The following DIP2B variants were observed in gnomAD, a reference collection of about 807,000 sequenced individuals.
DIP2B encodes the protein DIP2 acetate--CoA ligase B (putative).
Under a neutral mutation model 198.0 loss-of-function variants are expected in DIP2B, and 76 were observed. The ratio of observed to expected loss-of-function variants is 0.38; its 90% CI spans 0.32 to 0.46. The LOEUF (loss-of-function observed/expected upper bound fraction) is 0.46, where lower values mean the gene tolerates loss of function less well. DIP2B is among the 20% of genes least tolerant of loss of function. The probability of loss-of-function intolerance (pLI) is 0.99; values close to 1 mark genes in which losing one functional copy is unlikely to be tolerated. For synonymous variants in DIP2B, 701 were observed against 739.1 expected, an observed-to-expected ratio of 0.95 and a Z score of 0.84; for missense variants, 1,559 against 1,978.4, an observed-to-expected ratio of 0.79 and a Z score of 4.02.
intron 1 of DIP2B, among the ~76,000 whole-genome samples, chr12:50,530,539 C>G (rs749908708): frequency 6.6e-6 from 1 of 152,096 alleles, no homozygotes; most frequent in African/African-American, 2.4e-5. Flanking sequence ...TGTCACACAA[C>G]CAAGTGATAC....
In DIP2B at chr12:50,732,330, C is replaced by G. The variant is rs746678788; in HGVS notation, c.3811-36C>G. The G allele has an allele frequency of 1.6e-5, 25 of 1,611,116 alleles. No homozygotes were observed. The Admixed American group carries it at 3.0e-4, about 19-fold the overall frequency. ...TTACCTGTTCAGTTCTTTTATGATC[C>G]TACTGACTTGGCTCCCATATAATGG... On this transcript the variant is annotated intron_variant, in intron 31 of 37. Coordinates refer to ENST00000301180, the MANE Select transcript of DIP2B (RefSeq NM_173602.3).
intron 2 of DIP2B, among the ~76,000 whole-genome samples, chr12:50,637,115 A>G (rs1938175032): frequency 6.6e-6 from 1 of 152,084 alleles, no homozygotes; most frequent in African/African-American, 2.4e-5. Flanking sequence ...TAATGATTCA[A>G]GGTGATTATT....
At chr12:50,738,738 C>T (rs933641847) in intron 35 of DIP2B, among the ~76,000 whole-genome samples, 2 of 152,124 alleles carry the variant, frequency 1.3e-5, no homozygotes, top group Non-Finnish European at 2.9e-5. Flanking sequence ...CCTTGGCCTC[C>T]CAAAGTGCTG....
intron 1 of DIP2B, among the ~76,000 whole-genome samples, chr12:50,570,141 A>AT: frequency 6.6e-6 from 1 of 152,288 alleles, no homozygotes; most frequent in Non-Finnish European, 1.5e-5. Context: ...CCGTGCCCTG[A>AT]TTTAAAATGA....
At chr12:50,544,327 T>G (rs944936818) in intron 1 of DIP2B, among the ~76,000 whole-genome samples, 1 of 152,220 alleles carries the variant, frequency 6.6e-6, no homozygotes, top group Non-Finnish European at 1.5e-5. Context: ...CAGTCACTTT[T>G]CTATTCAGAT....
At chr12:50,734,339 C>A in intron 33 of DIP2B, 143 bp downstream of exon 33, 2 of 756,852 alleles carry the variant, frequency 2.6e-6, no homozygotes, top group East Asian at 2.6e-5. Context: ...TTGTTTTTAT[C>A]ATTAATACAT....
At position 50,741,420 on chromosome 12, in the gene DIP2B, T is replaced by C; in HGVS notation, c.4359T>C (p.Arg1453=). The C allele has an allele frequency of 6.2e-7, 1 of 1,613,850 alleles. No individual in the cohort carries two copies. Among genetic ancestry groups the C allele is most frequent in the Non-Finnish European group, 8.5e-7 (1 of 1,179,936 alleles). The change falls in exon 37 of 38, where the codon CGT becomes CGC. Residue 1453 remains arginine, a synonymous_variant. Transcript: ENST00000301180. ...RTELTAATGE[R]HDALYVVGAL... ...CTCTCTTTTTCTTTCTGTCAGAGCG[T>C]CATGATGCATTGTATGTGGTGGGAG...
chr12:50,663,330 G>A (rs1218128583), intron 4 of DIP2B, among the ~76,000 whole-genome samples: 3 of 149,908 alleles, frequency 2.0e-5, no homozygotes, highest in African/African-American at 7.4e-5. Context: ...AGGCCGAGGC[G>A]GGTGGATCAC....
At chr12:50,616,317 C>T (rs1011854811) in intron 1 of DIP2B, among the ~76,000 whole-genome samples, 3 of 152,106 alleles carry the variant, frequency 2.0e-5, no homozygotes, top group Admixed American at 6.6e-5. Flanking sequence ...CTTGAAAAAC[C>T]GTTTGTAAGA....
intron 2 of DIP2B, among the ~76,000 whole-genome samples, chr12:50,629,996 C>T (rs1156874177): frequency 6.7e-6 from 1 of 149,032 alleles, no homozygotes; most frequent in African/African-American, 2.5e-5. Context: ...TGTCGCCAGG[C>T]TGGAGTGCAG....
At chr12:50,733,092 G>T (rs371445156) in intron 32 of DIP2B, among the ~76,000 whole-genome samples, 5 of 151,742 alleles carry the variant, frequency 3.3e-5, no homozygotes, top group Admixed American at 3.3e-4. Context: ...TTTTAGTAGA[G>T]ACAGGGTTTC....
chr12:50,516,773 G>A (rs895512572), intron 1 of DIP2B, among the ~76,000 whole-genome samples: 1 of 151,996 alleles, frequency 6.6e-6, no homozygotes. Context: ...TCAGGAGTTC[G>A]AGACCAGCCT....
intron 17 of DIP2B, among the ~76,000 whole-genome samples, chr12:50,697,705 T>A (rs925363383): frequency 6.6e-6 from 1 of 151,782 alleles, no homozygotes; most frequent in African/African-American, 2.4e-5. Context: ...AATTTTTAAA[T>A]TTTTTTGTAG....
At chr12:50,514,013 A>G (rs1054726004) in intron 1 of DIP2B, among the ~76,000 whole-genome samples, 4 of 151,040 alleles carry the variant, frequency 2.6e-5, no homozygotes, top group Non-Finnish European at 5.9e-5. Flanking sequence ...TTTTAAAAAT[A>G]CTACTTTTAT....
At chr12:50,550,555 A>G (rs1195703235) in intron 1 of DIP2B, among the ~76,000 whole-genome samples, 2 of 152,176 alleles carry the variant, frequency 1.3e-5, no homozygotes, top group African/African-American at 4.8e-5. Context: ...ATCCCTCATG[A>G]TTCATTTTAC....
At chr12:50,697,493 T>C (rs1565874407) in intron 17 of DIP2B, among the ~76,000 whole-genome samples, 3 of 151,018 alleles carry the variant, frequency 2.0e-5, no homozygotes, top group Non-Finnish European at 4.4e-5. Context: ...CCATTATGTA[T>C]GTAAGTATCA....
intron 1 of DIP2B, among the ~76,000 whole-genome samples, chr12:50,527,113 G>A (rs992389666): frequency 2.0e-5 from 3 of 152,184 alleles, no homozygotes; most frequent in South Asian, 2.1e-4. Context: ...GTTTTTCAAC[G>A]TCTTTTCTTG....
At chr12:50,523,008 A>C (rs774014460) in intron 1 of DIP2B, among the ~76,000 whole-genome samples, 5 of 152,220 alleles carry the variant, frequency 3.3e-5, no homozygotes, top group Admixed American at 6.5e-5. Flanking sequence ...TGGGAAAAAG[A>C]GAAAAATTAT....
At chr12:50,708,401 G>A (rs1456482754) in intron 21 of DIP2B, 47 bp from the exon 22 acceptor site, 5 of 1,518,416 alleles carry the variant, frequency 3.3e-6, no homozygotes, top group Non-Finnish European at 4.5e-6. Context: ...AAACAAATAG[G>A]ACTGGTTGTG....
Sources: gnomAD v4.1 joint callset for allele counts (sites outside exome capture counted in the v4.1 genomes callset) on GRCh38, gnomAD v4.1.1 for gene constraint, MANE v1.5 for transcripts, NCBI Gene and HGNC (gene_info 2026-07-23, HGNC 2026-07-21) for gene names.